ABCB11: variants seen among roughly 807,000 people sequenced by gnomAD.
The protein encoded by ABCB11 is bile salt export pump.
Under a neutral mutation model 148.0 loss-of-function variants are expected in ABCB11, and 95 were observed. The observed-to-expected ratio is 0.64, with a 90% CI of 0.54 to 0.76. The LOEUF is 0.76. ABCB11 is among the 30% of genes least tolerant of loss of function. ABCB11 has a pLI of 0.00. For missense variants in ABCB11, 1,523 were observed against 1,617.8 expected (o/e 0.94, Z 1.01); for synonymous variants, 591 against 555.4 (o/e 1.06, Z -0.90).
intron 19 of ABCB11, among the ~76,000 whole-genome samples, chr2:168,946,236 T>A (rs1044850688): frequency 1.3e-5 from 2 of 151,844 alleles, no homozygotes; most frequent in African/African-American, 2.4e-5. Flanking sequence ...TTAATTTGAG[T>A]CATTAAAACA....
intron 18 of ABCB11, among the ~76,000 whole-genome samples, chr2:168,960,730 C>G (rs1329190280): frequency 2.0e-5 from 3 of 151,526 alleles, no homozygotes; most frequent in Non-Finnish European, 4.4e-5. Flanking sequence ...AAATATTGGA[C>G]TTTTTATTGC....
At chr2:168,972,111 A>AT (rs1693610030) in intron 13 of ABCB11, 61 bp from the exon 14 acceptor site, 3 of 1,488,866 alleles carry the variant, frequency 2.0e-6, no homozygotes, top group Non-Finnish European at 2.8e-6. Flanking sequence ...GAATCATAAT[A>AT]TTATGTCATA....
intron 18 of ABCB11, among the ~76,000 whole-genome samples, chr2:168,961,526 C>G (rs745542068): frequency 2.4e-4 from 36 of 151,630 alleles, no homozygotes; most frequent in Non-Finnish European, 4.6e-4. Flanking sequence ...AATATTTGAT[C>G]CTGACTTGAT....
At position 168,936,277 on chromosome 2, in the gene ABCB11, T is replaced by C. The variant is rs777469571; in HGVS notation, c.2767A>G (p.Thr923Ala). The C allele has an allele frequency of 1.9e-6, 3 of 1,613,870 alleles. No homozygotes were observed. In the South Asian group the frequency reaches 3.3e-5, roughly 18 times the overall value. ...LSGATQTRML[T>A]GFASRDKQAL... The stretch of plus-strand genomic sequence containing the variant: ...TGCTTATCTCGAGAGGCAAATCCTG[T>C]CAACATCCTGGTCTGTGTGGCTCCT... Residue 923 changes from threonine to alanine, a missense_variant, in exon 22 of 28, where the codon ACA becomes GCA. By Grantham distance (58) the Thr-to-Ala change is moderately conservative. Coordinates refer to ENST00000650372, the MANE Select transcript of ABCB11 (RefSeq NM_003742.4).
rs1250783682 is a variant in ABCB11, at chr2:168,970,122, T to TTTGGGATGA, written c.1731_1732insTCATCCCAA (p.Pro577_Lys578insSerSerGln). 4.3e-6 allele frequency: 7 copies of TTTGGGATGA among 1,612,894 alleles called. No homozygotes were observed. The Admixed American group carries it at 1.2e-4, about 27-fold the overall frequency. On this transcript the variant is annotated inframe_insertion, in exon 15 of 28. Coordinates refer to ENST00000650372, the MANE Select transcript of ABCB11 (RefSeq NM_003742.4). ...GTGGCCATGTCCAAAAGCAGAATCT[T>TTTGGGATGA]GGGATTTCGGATGAGGGCTCTGGCG...
intron 5 of ABCB11, among the ~76,000 whole-genome samples, chr2:169,012,655 A>T (rs368308141): frequency 6.6e-6 from 1 of 151,160 alleles, no homozygotes; most frequent in Non-Finnish European, 1.5e-5. Context: ...CATGAGAATC[A>T]CTTGAACCCA....
intron 19 of ABCB11, among the ~76,000 whole-genome samples, chr2:168,952,162 T>C (rs1574424201): frequency 6.6e-6 from 1 of 151,800 alleles, no homozygotes; most frequent in Non-Finnish European, 1.5e-5. Context: ...ACATCTATGT[T>C]CATCAGAGAT....
intron 14 of ABCB11, 82 bp downstream of exon 14, chr2:168,971,765 G>T (rs77545691): frequency 2.3e-6 from 3 of 1,288,020 alleles, no homozygotes; most frequent in East Asian, 2.3e-5. Context: ...GGAATCATAC[G>T]AGAAGAAATG....
chr2:168,992,213 A>G (rs1694551305), intron 8 of ABCB11, among the ~76,000 whole-genome samples: 1 of 152,016 alleles, frequency 6.6e-6, no homozygotes, highest in South Asian at 2.1e-4. Flanking sequence ...CAGACCTACA[A>G]CATTCCAAAT....
At chr2:169,008,872 C>T (rs1196018303) in intron 5 of ABCB11, among the ~76,000 whole-genome samples, 1 of 152,102 alleles carries the variant, frequency 6.6e-6, no homozygotes, top group African/African-American at 2.4e-5. Flanking sequence ...TGTAATAGCT[C>T]AAAAGTGGGA....
chr2:168,960,610 A>G (rs1189482800), intron 18 of ABCB11, among the ~76,000 whole-genome samples: 1 of 151,692 alleles, frequency 6.6e-6, no homozygotes, highest in African/African-American at 2.4e-5. Context: ...ATTAATTAAA[A>G]TAATTTTCTT....
intron 18 of ABCB11, among the ~76,000 whole-genome samples, chr2:168,963,732 A>G (rs1693174810): frequency 6.6e-6 from 1 of 151,844 alleles, no homozygotes; most frequent in African/African-American, 2.4e-5. Context: ...ATTAATTCAA[A>G]TATTTTGATA....
At chr2:168,951,925 G>A (rs1394622378) in intron 19 of ABCB11, among the ~76,000 whole-genome samples, 2 of 151,498 alleles carry the variant, frequency 1.3e-5, no homozygotes, top group African/African-American at 4.8e-5. Context: ...TCTATGCCTA[G>A]TTTATTGAGA....
intron 11 of ABCB11, among the ~76,000 whole-genome samples, chr2:168,978,198 T>C (rs1406079489): frequency 2.2e-5 from 3 of 135,396 alleles, no homozygotes; most frequent in East Asian, 4.6e-4. Context: ...CAGGCCAGAG[T>C]GCAGTAGTGT....
intron 19 of ABCB11, among the ~76,000 whole-genome samples, chr2:168,948,778 A>C (rs532677560): frequency 6.6e-6 from 1 of 151,848 alleles, no homozygotes; most frequent in East Asian, 1.9e-4. Context: ...CCGATTCTCT[A>C]CCTTTCTGAA....
intron 8 of ABCB11, 91 bp downstream of exon 8, chr2:168,993,620 G>C (rs1179958212): frequency 1.7e-6 from 2 of 1,187,032 alleles, no homozygotes; most frequent in Non-Finnish European, 2.4e-6. Flanking sequence ...GTTGCTAACT[G>C]TACTCAGGAA....
intron 1 of ABCB11, among the ~76,000 whole-genome samples, chr2:169,019,576 T>C (rs1243893957): frequency 6.6e-6 from 1 of 152,206 alleles, no homozygotes; most frequent in African/African-American, 2.4e-5. Flanking sequence ...CCACTGGTTT[T>C]GCATCCTGAG....
intron 5 of ABCB11, among the ~76,000 whole-genome samples, chr2:168,998,711 G>C (rs1254819104): frequency 6.6e-6 from 1 of 152,124 alleles, no homozygotes; most frequent in Admixed American, 6.6e-5. Flanking sequence ...GATTAAGGGT[G>C]TTGGGCACTG....
intron 5 of ABCB11, 108 bp downstream of exon 5, chr2:169,013,164 G>A (rs1373196291): frequency 1.3e-6 from 1 of 763,092 alleles, no homozygotes; most frequent in Non-Finnish European, 2.1e-6. Context: ...TATTCTCTTT[G>A]TGTTAGATAC....
Sources: gnomAD v4.1 joint callset for allele counts (sites outside exome capture counted in the v4.1 genomes callset) on GRCh38, gnomAD v4.1.1 for gene constraint, MANE v1.5 for transcripts, NCBI Gene and HGNC (gene_info 2026-07-23, HGNC 2026-07-21) for gene names.